Variants in SCN9A observed in about 807,000 individuals in gnomAD.
The protein encoded by SCN9A is sodium voltage-gated channel alpha subunit 9, also known as sodium channel protein type 9 subunit alpha.
Under a neutral mutation model 187.0 loss-of-function variants are expected in SCN9A, and 131 were observed. That is an observed-to-expected ratio of 0.70 (90% CI 0.61 to 0.81). SCN9A has a LOEUF of 0.81. Ranked by LOEUF, SCN9A falls within the 30% of genes least tolerant of loss-of-function variation. SCN9A has a pLI of 0.00. For synonymous variants in SCN9A, 809 were observed against 808.6 expected, an observed-to-expected ratio of 1.00 and a Z score of -0.01; for missense variants, 2,252 against 2,396.6, an observed-to-expected ratio of 0.94 and a Z score of 1.26.
chr2:166,325,016 C>A (rs1008741475), intron 1 of SCN9A, among the ~76,000 whole-genome samples: 7 of 151,984 alleles, frequency 4.6e-5, no homozygotes, highest in African/African-American at 1.7e-4. Flanking sequence ...ACAAATGCGC[C>A]ATACTAATAT....
At chr2:166,281,032 C>T (rs1225895921) in intron 13 of SCN9A, among the ~76,000 whole-genome samples, 3 of 152,098 alleles carry the variant, frequency 2.0e-5, no homozygotes. Context: ...GAAAACAATC[C>T]TAGAACCAAG....
chr2:166,228,491 T>G (rs901888560), intron 22 of SCN9A, among the ~76,000 whole-genome samples, 200 bp downstream of exon 22: 1 of 152,038 alleles, frequency 6.6e-6, no homozygotes, highest in Non-Finnish European at 1.5e-5. Context: ...ACTCCTGACC[T>G]CATGATCTGC....
chr2:166,296,659 C>T (rs1485926386), intron 7 of SCN9A, among the ~76,000 whole-genome samples: 1 of 152,142 alleles, frequency 6.6e-6, no homozygotes, highest in Non-Finnish European at 1.5e-5. Context: ...TCTATTAGCA[C>T]ACTGCTATAC....
At position 166,291,859 on chromosome 2, in the gene SCN9A, G is replaced by A. The variant is rs145576060; in HGVS notation, c.1107+1372C>T. Among the ~76,000 whole-genome samples the A allele has an allele frequency of 1.7e-3, 258 of 152,284 alleles. 1 individual carries two copies. Among genetic ancestry groups the A allele is most frequent in the African/African-American group, 5.9e-3 (246 of 41,554 alleles). On this transcript the variant is annotated intron_variant, in intron 9 of 26. Coordinates refer to ENST00000642356, the MANE Select transcript of SCN9A (RefSeq NM_001365536.1). ...TATAATAAATGGTGCTGGGGAAGCT[G>A]GCTAGCCATATGCAGAAAACTGAAA...
At chr2:166,374,516 T>C (rs1383834016) in intron 1 of SCN9A, among the ~76,000 whole-genome samples, 1 of 152,118 alleles carries the variant, frequency 6.6e-6, no homozygotes, top group Non-Finnish European at 1.5e-5. Context: ...AAGAAAAAAT[T>C]ATAAACTTTT....
At chr2:166,267,021 C>G (rs1205635050) in intron 17 of SCN9A, among the ~76,000 whole-genome samples, 1 of 151,888 alleles carries the variant, frequency 6.6e-6, no homozygotes, top group Non-Finnish European at 1.5e-5. Flanking sequence ...TGACTTCCTT[C>G]TTTCCAATTT....
intron 17 of SCN9A, among the ~76,000 whole-genome samples, chr2:166,260,616 C>T (rs908469357): frequency 6.6e-6 from 1 of 151,762 alleles, no homozygotes; most frequent in African/African-American, 2.4e-5. Flanking sequence ...TCACCCTTTA[C>T]CTTTGAAGTA....
At chr2:166,253,654 T>C (rs1241360006) in intron 17 of SCN9A, among the ~76,000 whole-genome samples, 1 of 151,768 alleles carries the variant, frequency 6.6e-6, no homozygotes, top group East Asian at 1.9e-4. Context: ...GACTACAGTT[T>C]TAATGGCTTC....
chr2:166,272,554 C>T lies in SCN9A; in HGVS notation c.3196G>A (p.Val1066Met), dbSNP rs1384581509. 11 of 1,613,302 alleles carry T rather than the reference C, an allele frequency of 6.8e-6. No individual in the cohort carries two copies. The highest frequency in any genetic ancestry group is 6.7e-5 in the Admixed American group (4 of 59,924). ...KDKISGFGSS[V>M]DKHLMEDSDG... is the part of the protein sequence containing the mutation. ...CTGTCTTCCATCAAGTGTTTGTCCA[C>T]GCTGCTTCCAAAACCACTGATTTTA... The change falls in exon 17 of 27, where the codon GTG becomes ATG. Residue 1066 changes from valine to methionine, a missense_variant. This residue lies in a region of SCN9A where 313 missense variants were observed against 295.3 expected (regional missense o/e 1.06). Coordinates refer to ENST00000642356, the MANE Select transcript of SCN9A (RefSeq NM_001365536.1).
At chr2:166,354,842 T>C (rs1700115241) in intron 1 of SCN9A, among the ~76,000 whole-genome samples, 2 of 152,198 alleles carry the variant, frequency 1.3e-5, no homozygotes, top group Non-Finnish European at 2.9e-5. Flanking sequence ...GGGTTATTAA[T>C]ATGGTTGAAT....
chr2:166,222,968 A>AAAAAAAAAAAAAAAAAAAAAAAC (rs1694682910), intron 24 of SCN9A, among the ~76,000 whole-genome samples: 1 of 148,796 alleles, frequency 6.7e-6, no homozygotes, highest in Non-Finnish European at 1.5e-5. Context: ...AAAAAAAAAA[A>AAAAAAAAAAAAAAAAAAAAAAAC]AAAACAGCAA....
intron 9 of SCN9A, among the ~76,000 whole-genome samples, chr2:166,289,216 T>C (rs949327336): frequency 1.3e-5 from 2 of 152,160 alleles, no homozygotes; most frequent in South Asian, 2.1e-4. Context: ...TTTTCTTTTT[T>C]TCTTTTTTTT....
At chr2:166,275,781 T>A (rs1281427125) in intron 16 of SCN9A, among the ~76,000 whole-genome samples, 1 of 152,164 alleles carries the variant, frequency 6.6e-6, no homozygotes, top group Non-Finnish European at 1.5e-5. Flanking sequence ...GATGTATATT[T>A]TTTGTGCAGT....
chr2:166,282,926 T>C (rs1266662120), intron 12 of SCN9A, among the ~76,000 whole-genome samples: 1 of 152,168 alleles, frequency 6.6e-6, no homozygotes, highest in Non-Finnish European at 1.5e-5. Context: ...CATGTAGACA[T>C]GTTTCAGGTA....
intron 13 of SCN9A, 36 bp from the exon 14 acceptor site, chr2:166,280,631 T>C (rs1253072301): frequency 1.6e-6 from 2 of 1,253,592 alleles, no homozygotes; most frequent in Admixed American, 4.1e-5. Context: ...GAGTCAGCCA[T>C]TTGTCTGTTT....
intron 24 of SCN9A, among the ~76,000 whole-genome samples, chr2:166,219,208 C>A (rs1301011185): frequency 6.6e-6 from 1 of 152,140 alleles, no homozygotes; most frequent in Non-Finnish European, 1.5e-5. Flanking sequence ...CCAGCAATCC[C>A]ATTACTGGGT....
intron 17 of SCN9A, among the ~76,000 whole-genome samples, chr2:166,254,846 T>C (rs907031890): frequency 1.3e-5 from 2 of 151,004 alleles, no homozygotes; most frequent in Non-Finnish European, 1.5e-5. Flanking sequence ...TAGTTATAAA[T>C]AAAGTAAATA....
At chr2:166,200,439 C>T (rs2106339820) in intron 26 of SCN9A, among the ~76,000 whole-genome samples, 1 of 152,210 alleles carries the variant, frequency 6.6e-6, no homozygotes, top group East Asian at 1.9e-4. Flanking sequence ...TAGTGTTTTA[C>T]ATTTTAAGAA....
intron 9 of SCN9A, among the ~76,000 whole-genome samples, chr2:166,289,707 G>A (rs951269679): frequency 6.6e-6 from 1 of 151,960 alleles, no homozygotes; most frequent in African/African-American, 2.4e-5. Context: ...CCAGTAATGG[G>A]ATTGCTGGGT....
Sources: gnomAD v4.1 joint callset for allele counts (sites outside exome capture counted in the v4.1 genomes callset) on GRCh38, gnomAD v4.1.1 for gene constraint, gnomAD v4.1.1 regional missense constraint, MANE v1.5 for transcripts, NCBI Gene and HGNC (gene_info 2026-07-23, HGNC 2026-07-21) for gene names.